The following CREB5 variants were observed in gnomAD, a reference collection of about 807,000 sequenced individuals.
The protein encoded by CREB5 is cAMP responsive element binding protein 5.
In CREB5, 19 loss-of-function variants were observed where a neutral mutation model predicts 57.1. The observed-to-expected ratio is 0.33, with a 90% CI of 0.23 to 0.49. CREB5 has a LOEUF of 0.49. Ranked by LOEUF, CREB5 falls within the 20% of genes least tolerant of loss-of-function variation. The probability of loss-of-function intolerance (pLI) is 0.99; values close to 1 mark genes in which losing one functional copy is unlikely to be tolerated. For synonymous variants in CREB5, 238 were observed against 238.3 expected, an observed-to-expected ratio of 1.00 and a Z score of 0.01; for missense variants, 579 against 671.6, an observed-to-expected ratio of 0.86 and a Z score of 1.52.
Position 28,383,486 on chromosome 7 carries a change from C to T in CREB5, c.-25+84045C>T, listed in dbSNP as rs142613756. Among the ~76,000 whole-genome samples the T allele has an allele frequency of 6.0e-3, 909 of 152,318 alleles. 4 individuals carry two copies. The highest frequency in any genetic ancestry group is 9.2e-3 in the Non-Finnish European group (628 of 68,034). On this transcript the variant is annotated intron_variant, in intron 1 of 9. Coordinates refer to the CREB5 transcript ENST00000396299. Reference sequence around the variant, plus strand: ...GGCACCAGCATCTACTCAGCATCTACTTAGCATCTGCTGAGACCTCAGGAA... The same window carrying T: ...GGCACCAGCATCTACTCAGCATCTATTTAGCATCTGCTGAGACCTCAGGAA...
chr7:28,314,196 T>C (rs1785334109), intron 1 of CREB5, among the ~76,000 whole-genome samples: 1 of 152,226 alleles, frequency 6.6e-6, no homozygotes, highest in Non-Finnish European at 1.5e-5. Context: ...TCATGGAGAT[T>C]GTTTTGTGCA....
intron 1 of CREB5, among the ~76,000 whole-genome samples, chr7:28,415,174 A>C (rs151047187): frequency 6.2e-4 from 95 of 152,240 alleles, no homozygotes; most frequent in African/African-American, 2.3e-3. Flanking sequence ...ACTAGAACTG[A>C]TTTTAGAGGG....
intron 1 of CREB5, among the ~76,000 whole-genome samples, chr7:28,457,593 T>C (rs562065700): frequency 2.0e-5 from 3 of 152,232 alleles, no homozygotes; most frequent in African/African-American, 7.2e-5. Context: ...ATTCCAGGGA[T>C]TGGATTTTAT....
intron 1 of CREB5, among the ~76,000 whole-genome samples, chr7:28,314,146 G>A (rs1057100322): frequency 1.1e-4 from 16 of 152,160 alleles, no homozygotes; most frequent in African/African-American, 3.6e-4. Context: ...CCTTTGAAGT[G>A]CAGCGATCCT....
At chr7:28,456,468 C>T (rs371610957) in intron 1 of CREB5, among the ~76,000 whole-genome samples, 21 of 152,148 alleles carry the variant, frequency 1.4e-4, no homozygotes, top group African/African-American at 4.3e-4. Flanking sequence ...CTCATGGTTA[C>T]GGACTAGGCA....
At chr7:28,442,445 T>C (rs1789229518) in intron 1 of CREB5, among the ~76,000 whole-genome samples, 2 of 152,200 alleles carry the variant, frequency 1.3e-5, no homozygotes, top group Non-Finnish European at 2.9e-5. Flanking sequence ...TCCTTTCCTT[T>C]TGATATGTTT....
At chr7:28,437,761 T>C (rs1562715888) in intron 1 of CREB5, among the ~76,000 whole-genome samples, 1 of 152,208 alleles carries the variant, frequency 6.6e-6, no homozygotes, top group East Asian at 1.9e-4. Flanking sequence ...TTTAAAGATA[T>C]GATCCAGTTA....
intron 7 of CREB5, among the ~76,000 whole-genome samples, chr7:28,781,789 G>T (rs1459255771): frequency 6.6e-6 from 1 of 151,092 alleles, no homozygotes; most frequent in Admixed American, 6.6e-5. Flanking sequence ...TTTTTTTCTG[G>T]AAACAGTATA....
intron 5 of CREB5, among the ~76,000 whole-genome samples, chr7:28,698,103 T>G (rs2128735239): frequency 6.6e-6 from 1 of 152,116 alleles, no homozygotes; most frequent in East Asian, 1.9e-4. Flanking sequence ...GACACATGGG[T>G]TTAAGAATTA....
At chr7:28,690,228 C>T (rs1385236811) in intron 5 of CREB5, among the ~76,000 whole-genome samples, 1 of 152,128 alleles carries the variant, frequency 6.6e-6, no homozygotes, top group Non-Finnish European at 1.5e-5. Context: ...GGGCTGTGCT[C>T]CACAGGTGAG....
chr7:28,426,356 C>T (rs563459580), intron 1 of CREB5, among the ~76,000 whole-genome samples: 1 of 152,202 alleles, frequency 6.6e-6, no homozygotes, highest in African/African-American at 2.4e-5. Context: ...ATTCTAGCTA[C>T]CAAGAATTGC....
chr7:28,329,353 T>C (rs1375731530), intron 1 of CREB5, among the ~76,000 whole-genome samples: 1 of 152,180 alleles, frequency 6.6e-6, no homozygotes, highest in Non-Finnish European at 1.5e-5. Context: ...GTGTTTGCAT[T>C]TCCAGAAATT....
At chr7:28,736,108 T>G (rs887298546) in intron 7 of CREB5, among the ~76,000 whole-genome samples, 4 of 152,124 alleles carry the variant, frequency 2.6e-5, no homozygotes, top group Non-Finnish European at 5.9e-5. Flanking sequence ...CCCGTGTGCT[T>G]GCTATGTGGT....
chr7:28,593,460 G>C (rs1449160214), intron 5 of CREB5, among the ~76,000 whole-genome samples: 1 of 152,100 alleles, frequency 6.6e-6, no homozygotes, highest in Admixed American at 6.5e-5. Flanking sequence ...TGTTAGCGAG[G>C]CTGGCCTCTA....
intron 1 of CREB5, among the ~76,000 whole-genome samples, chr7:28,450,884 C>A (rs1177148381): frequency 1.3e-5 from 2 of 152,138 alleles, no homozygotes; most frequent in South Asian, 2.1e-4. Flanking sequence ...GGCATTATAA[C>A]CTGGAGGCAG....
intron 4 of CREB5, among the ~76,000 whole-genome samples, chr7:28,544,076 A>AT (rs562765228): frequency 4.0e-5 from 6 of 151,876 alleles, no homozygotes; most frequent in Middle Eastern, 6.8e-3. Context: ...CAGGAGGCTC[A>AT]TTTTTTAATG....
Position 28,522,434 on chromosome 7 carries a change from C to T in CREB5, c.291+14697C>T, listed in dbSNP as rs1039544217. Among the ~76,000 whole-genome samples, 7 of 143,294 alleles carry T rather than the reference C, an allele frequency of 4.9e-5. No homozygotes were observed. In the East Asian group the frequency reaches 1.4e-3, roughly 29 times the overall value. The allele number at this position is 143,294 out of a possible 152,430, so 94.0% of individuals were successfully genotyped here. A position where few individuals can be genotyped will look rare whatever the true frequency, so the allele number is the denominator to read the frequency against. Reference sequence around the variant, plus strand: ...TTTCTGAGGTGGAGTCTCACTCCGTCGCCCAGCCTGGAGTGCAATGGCACA... The same window carrying T: ...TTTCTGAGGTGGAGTCTCACTCCGTTGCCCAGCCTGGAGTGCAATGGCACA... On this transcript the variant is annotated intron_variant, in intron 4 of 10. Transcript: ENST00000357727.
At chr7:28,781,848 T>C (rs924991539) in intron 7 of CREB5, among the ~76,000 whole-genome samples, 1 of 152,072 alleles carries the variant, frequency 6.6e-6, no homozygotes. Context: ...TGTTCCACAA[T>C]TTTAAAAACT....
At chr7:28,306,047 T>C (rs1785175841) in intron 1 of CREB5, among the ~76,000 whole-genome samples, 1 of 152,198 alleles carries the variant, frequency 6.6e-6, no homozygotes, top group Non-Finnish European at 1.5e-5. Flanking sequence ...AGTTTTTCAT[T>C]ATTACAACCA....
Sources: allele counts gnomAD v4.1 joint callset (sites outside exome capture counted in the v4.1 genomes callset), GRCh38; gene constraint gnomAD v4.1.1; transcripts MANE v1.5; gene names NCBI Gene and HGNC (gene_info 2026-07-23, HGNC 2026-07-21).